ZFAND6: variants seen among roughly 807,000 people sequenced by gnomAD.
ZFAND6 encodes the protein AN1-type zinc finger protein 6.
A neutral mutation model predicts 24.5 loss-of-function variants in ZFAND6; 12 were observed. That is an observed-to-expected ratio of 0.49 (90% CI 0.31 to 0.79). ZFAND6 has a LOEUF of 0.79. Among genes scored for constraint, ZFAND6 ranks in the 30% least tolerant of loss-of-function variants. The pLI is 0.04. For missense variants in ZFAND6, 207 were observed against 245.9 expected (o/e 0.84, Z 1.06); for synonymous variants, 92 against 81.5 (o/e 1.13, Z -0.69).
intron 2 of ZFAND6, among the ~76,000 whole-genome samples, chr15:80,105,972 G>A (rs557802332): frequency 6.6e-6 from 1 of 152,206 alleles, no homozygotes; most frequent in South Asian, 2.1e-4. Flanking sequence ...GGCTAATAAA[G>A]TTGTAATTTT....
At chr15:80,065,831 C>G (rs140673388) in intron 1 of ZFAND6, among the ~76,000 whole-genome samples, 1 of 152,096 alleles carries the variant, frequency 6.6e-6, no homozygotes, top group Admixed American at 6.5e-5. Flanking sequence ...AGGCGTGACC[C>G]ACTGTGCCTG....
intron 1 of ZFAND6, among the ~76,000 whole-genome samples, chr15:80,081,399 G>A (rs1173148017): frequency 6.6e-6 from 1 of 152,152 alleles, no homozygotes; most frequent in Non-Finnish European, 1.5e-5. Context: ...AAAGACTTTA[G>A]ACAAATTTAA....
chr15:80,080,398 A>T (rs949575888), intron 1 of ZFAND6, among the ~76,000 whole-genome samples: 1 of 152,220 alleles, frequency 6.6e-6, no homozygotes, highest in Non-Finnish European at 1.5e-5. Context: ...CCCACTGTGG[A>T]TAGTACCAAA....
intron 2 of ZFAND6, among the ~76,000 whole-genome samples, chr15:80,104,038 G>A (rs748573038): frequency 1.3e-5 from 2 of 152,000 alleles, no homozygotes; most frequent in African/African-American, 2.4e-5. Context: ...TTGTAGAGAC[G>A]GGGATCTCAC....
intron 1 of ZFAND6, among the ~76,000 whole-genome samples, chr15:80,074,319 A>G (rs377024177): frequency 6.6e-6 from 1 of 151,888 alleles, no homozygotes; most frequent in Admixed American, 6.6e-5. Flanking sequence ...ATGTGTTGCT[A>G]TTAGTAAGTA....
intron 3 of ZFAND6, among the ~76,000 whole-genome samples, chr15:80,121,105 A>T (rs529352602): frequency 7.9e-4 from 120 of 152,176 alleles, no homozygotes; most frequent in Non-Finnish European, 1.5e-3. Context: ...TAGTGTATTC[A>T]TTTAGGATAG....
intron 1 of ZFAND6, among the ~76,000 whole-genome samples, chr15:80,074,984 G>A (rs2037186222): frequency 6.6e-6 from 1 of 152,002 alleles, no homozygotes; most frequent in African/African-American, 2.4e-5. Flanking sequence ...TATGGAGTTA[G>A]TCTAGCTCAT....
chr15:80,061,003 A>G (rs938090560), intron 1 of ZFAND6, among the ~76,000 whole-genome samples: 36 of 152,334 alleles, frequency 2.4e-4, no homozygotes, highest in African/African-American at 8.4e-4. Context: ...TCGGAATTTG[A>G]TTTTTTAAAA....
chr15:80,075,894 G>A (rs898393160), intron 1 of ZFAND6, among the ~76,000 whole-genome samples: 2 of 151,870 alleles, frequency 1.3e-5, no homozygotes, highest in African/African-American at 2.4e-5. Context: ...TTTCCCCTTC[G>A]CAATATAAAT....
At chr15:80,113,978 T>A (rs2141992396) in intron 2 of ZFAND6, among the ~76,000 whole-genome samples, 1 of 151,798 alleles carries the variant, frequency 6.6e-6, no homozygotes, top group African/African-American at 2.4e-5. Flanking sequence ...TTTCCTGAAG[T>A]AGATAGGATT....
chr15:80,065,158 G>T (rs2036552762), intron 1 of ZFAND6, among the ~76,000 whole-genome samples: 1 of 151,232 alleles, frequency 6.6e-6, no homozygotes, highest in Non-Finnish European at 1.5e-5. Flanking sequence ...TTCTTTTACG[G>T]TTTCATATTT....
At chr15:80,075,814 C>T (rs2461639) in intron 1 of ZFAND6, among the ~76,000 whole-genome samples, 84,648 of 151,860 alleles carry the variant, frequency 0.56, 24,840 homozygotes, top group Non-Finnish European at 0.65. Flanking sequence ...AAAATGAACT[C>T]GAAACAGTTT....
chr15:80,060,379 T>C (rs78540461), intron 1 of ZFAND6: 1 of 151,950 alleles, frequency 6.6e-6, no homozygotes, highest in Non-Finnish European at 1.5e-5. Context: ...TTTAGCTTGC[T>C]TAGGATTCTA....
At chr15:80,070,190 G>A (rs865972950) in intron 1 of ZFAND6, among the ~76,000 whole-genome samples, 1 of 152,150 alleles carries the variant, frequency 6.6e-6, no homozygotes, top group South Asian at 2.1e-4. Context: ...TGTAAGTAGG[G>A]TCTTTTTAAT....
intron 2 of ZFAND6, among the ~76,000 whole-genome samples, chr15:80,120,119 A>G (rs565411415): frequency 6.6e-6 from 1 of 152,178 alleles, no homozygotes; most frequent in Non-Finnish European, 1.5e-5. Flanking sequence ...GACTTGGCTT[A>G]TGTAGAGTGG....
intron 1 of ZFAND6, among the ~76,000 whole-genome samples, chr15:80,085,916 G>A (rs1052522818): frequency 2.0e-5 from 3 of 151,994 alleles, no homozygotes; most frequent in African/African-American, 4.8e-5. Flanking sequence ...ACTTACCATT[G>A]TGTATTACTC....
Position 80,086,214 on chromosome 15 carries a change from T to G in ZFAND6, c.-180-12202T>G, listed in dbSNP as rs185846087. On this transcript the variant is annotated intron_variant, in intron 1 of 6. Coordinates refer to ENST00000261749, the MANE Select transcript of ZFAND6 (RefSeq NM_019006.4). ...CCACCACACCCAGCTAATTTTGTATTTTTAGTAGAGATGGGATTTCTCCAT... is the reference window on the plus strand; with the variant it reads ...CCACCACACCCAGCTAATTTTGTATGTTTAGTAGAGATGGGATTTCTCCAT... Among the ~76,000 whole-genome samples the G allele has an allele frequency of 3.7e-3, 567 of 152,182 alleles. 6 individuals are homozygous for G. The highest frequency in any genetic ancestry group is 0.013 in the African/African-American group (528 of 41,504).
intron 2 of ZFAND6, among the ~76,000 whole-genome samples, chr15:80,107,817 C>T (rs926493381): frequency 3.0e-5 from 4 of 134,112 alleles, no homozygotes; most frequent in Admixed American, 9.4e-5. Flanking sequence ...AAAACTCTGT[C>T]GAAAAGAGGA....
intron 1 of ZFAND6, among the ~76,000 whole-genome samples, chr15:80,094,792 C>G (rs573498497): frequency 6.6e-6 from 1 of 151,384 alleles, no homozygotes; most frequent in East Asian, 1.9e-4. Flanking sequence ...TGTTTTTTTT[C>G]TTTTGTGTGT....
Sources: gnomAD v4.1 joint callset for allele counts (sites outside exome capture counted in the v4.1 genomes callset) on GRCh38, gnomAD v4.1.1 for gene constraint, MANE v1.5 for transcripts, NCBI Gene and HGNC (gene_info 2026-07-23, HGNC 2026-07-21) for gene names.